Variants in GMDS observed in about 807,000 individuals in gnomAD.
The protein encoded by GMDS is GDP-mannose 4,6 dehydratase.
A neutral mutation model predicts 49.9 loss-of-function variants in GMDS; 20 were observed. That is an observed-to-expected ratio of 0.40 (90% CI 0.28 to 0.58). The LOEUF (loss-of-function observed/expected upper bound fraction) is 0.58, where lower values mean the gene tolerates loss of function less well. Ranked by LOEUF, GMDS falls within the 20% of genes least tolerant of loss-of-function variation. The probability of loss-of-function intolerance (pLI) is 0.42; values close to 1 mark genes in which losing one functional copy is unlikely to be tolerated. For synonymous variants in GMDS, 177 were observed against 178.6 expected (o/e 0.99, Z 0.07); for missense variants, 362 against 481.4 (o/e 0.75, Z 2.32).
intron 1 of GMDS, among the ~76,000 whole-genome samples, chr6:2,165,452 G>A (rs1318529609): frequency 6.6e-6 from 1 of 152,222 alleles, no homozygotes; most frequent in Non-Finnish European, 1.5e-5. Context: ...TTACTCATGG[G>A]AGAGTCAGCC....
chr6:1,808,998 T>C (rs777026757), intron 7 of GMDS, among the ~76,000 whole-genome samples: 8 of 152,232 alleles, frequency 5.3e-5, no homozygotes, highest in Non-Finnish European at 1.2e-4. Flanking sequence ...AATTAGTATT[T>C]AAGGAAATTT....
intron 7 of GMDS, among the ~76,000 whole-genome samples, chr6:1,842,912 C>T (rs571765974): frequency 6.6e-6 from 1 of 151,906 alleles, no homozygotes; most frequent in South Asian, 2.1e-4. Flanking sequence ...CTCAGGCATT[C>T]GAGACCAGCC....
chr6:2,239,689 CT>C (rs771154281), intron 1 of GMDS, among the ~76,000 whole-genome samples: 391 of 144,022 alleles, frequency 2.7e-3, no homozygotes, highest in Middle Eastern at 0.011. Flanking sequence ...AATGCCAGAC[CT>C]TTTTTTTTTT....
chr6:1,784,449 C>T lies in GMDS; in HGVS notation c.772-41863G>A, dbSNP rs118141420. Among the ~76,000 whole-genome samples the T allele has an allele frequency of 4.5e-4, 68 of 151,788 alleles. No individual in the cohort carries two copies. In the East Asian group the frequency reaches 0.01, roughly 23 times the overall value. ...CGCAAAACTCCTTCCCTTTCCCCTGCCTGAGGATGTTCGGTTTGCCTGATC... is the reference window on the plus strand; with the variant it reads ...CGCAAAACTCCTTCCCTTTCCCCTGTCTGAGGATGTTCGGTTTGCCTGATC... On this transcript the variant is annotated intron_variant, in intron 7 of 10. Transcript: ENST00000380815.
At chr6:2,068,625 G>C (rs1771774087) in intron 4 of GMDS, among the ~76,000 whole-genome samples, 1 of 152,058 alleles carries the variant, frequency 6.6e-6, no homozygotes, top group African/African-American at 2.4e-5. Flanking sequence ...ACCAACAACA[G>C]ACAAACAGAG....
At chr6:1,918,816 GA>G (rs1363857068) in intron 7 of GMDS, among the ~76,000 whole-genome samples, 1 of 152,180 alleles carries the variant, frequency 6.6e-6, no homozygotes, top group African/African-American at 2.4e-5. Context: ...AGAATCTAGA[GA>G]TAATCAGGAA....
intron 1 of GMDS, among the ~76,000 whole-genome samples, chr6:2,231,170 C>CA (rs1348803430): frequency 1.3e-5 from 2 of 152,140 alleles, no homozygotes; most frequent in East Asian, 3.9e-4. Context: ...CAAGCACACT[C>CA]AGAGACTAGG....
intron 6 of GMDS, among the ~76,000 whole-genome samples, chr6:1,939,582 T>C (rs28447670): frequency 8.3e-5 from 10 of 120,470 alleles, no homozygotes; most frequent in South Asian, 5.4e-4. Flanking sequence ...TACATATATA[T>C]ACACACACAC....
chr6:2,211,430 T>C (rs1780055869), intron 1 of GMDS, among the ~76,000 whole-genome samples: 1 of 152,212 alleles, frequency 6.6e-6, no homozygotes, highest in South Asian at 2.1e-4. Context: ...TTTTAATGTG[T>C]ATAACACTTT....
At chr6:1,972,739 G>A (rs1024608538) in intron 4 of GMDS, among the ~76,000 whole-genome samples, 2 of 152,086 alleles carry the variant, frequency 1.3e-5, no homozygotes, top group Non-Finnish European at 2.9e-5. Flanking sequence ...ATTTCAACAC[G>A]ACTATACAGT....
At chr6:2,047,063 T>C (rs557749380) in intron 4 of GMDS, among the ~76,000 whole-genome samples, 2 of 152,306 alleles carry the variant, frequency 1.3e-5, no homozygotes, top group Admixed American at 6.5e-5. Flanking sequence ...TCTGACTATA[T>C]TGAGTACAAA....
chr6:2,157,381 C>T (rs771237406), intron 1 of GMDS, among the ~76,000 whole-genome samples: 11 of 152,190 alleles, frequency 7.2e-5, no homozygotes, highest in Non-Finnish European at 1.3e-4. Context: ...AATATGATTG[C>T]TAATTTCTGC....
intron 6 of GMDS, among the ~76,000 whole-genome samples, chr6:1,946,382 T>C (rs897931234): frequency 6.6e-6 from 1 of 152,176 alleles, no homozygotes; most frequent in Non-Finnish European, 1.5e-5. Flanking sequence ...TAAACTCCTG[T>C]CACCTTACCT....
At chr6:1,951,750 G>A (rs1426890898) in intron 6 of GMDS, 5 of 340,552 alleles carry the variant, frequency 1.5e-5, no homozygotes, top group African/African-American at 2.2e-5. Flanking sequence ...CTTGATAACA[G>A]GCAAGAGAAG....
intron 9 of GMDS, among the ~76,000 whole-genome samples, chr6:1,671,988 C>T (rs1764447829): frequency 1.3e-5 from 2 of 152,138 alleles, no homozygotes; most frequent in African/African-American, 4.8e-5. Flanking sequence ...TCTGCCATTA[C>T]TTTTAGTGGC....
intron 7 of GMDS, among the ~76,000 whole-genome samples, chr6:1,929,365 C>T (rs1762178054): frequency 6.6e-6 from 1 of 152,154 alleles, no homozygotes. Flanking sequence ...TGTCTGACCA[C>T]AGAACCAACA....
chr6:1,911,495 A>G (rs1376900199), intron 7 of GMDS, among the ~76,000 whole-genome samples: 1 of 152,156 alleles, frequency 6.6e-6, no homozygotes, highest in Non-Finnish European at 1.5e-5. Flanking sequence ...CAGGAAAAAA[A>G]TGGCAGAAAA....
intron 1 of GMDS, among the ~76,000 whole-genome samples, chr6:2,163,464 A>T (rs1777509821): frequency 6.6e-6 from 1 of 152,072 alleles, no homozygotes; most frequent in Non-Finnish European, 1.5e-5. Context: ...TTACTACAAC[A>T]AACTGGCTCG....
At chr6:2,194,062 TATG>T (rs1779177049) in intron 1 of GMDS, among the ~76,000 whole-genome samples, 2 of 152,036 alleles carry the variant, frequency 1.3e-5, no homozygotes, top group South Asian at 4.1e-4. Context: ...GCATTATAAA[TATG>T]ATGTGTCTTT....
Sources: allele counts gnomAD v4.1 joint callset (sites outside exome capture counted in the v4.1 genomes callset), GRCh38; gene constraint gnomAD v4.1.1; transcripts MANE v1.5; gene names NCBI Gene and HGNC (gene_info 2026-07-23, HGNC 2026-07-21).